The following HIVEP2 variants were observed in gnomAD, a reference collection of about 807,000 sequenced individuals.
HIVEP2 encodes transcription factor HIVEP2.
Under a neutral mutation model 180.7 loss-of-function variants are expected in HIVEP2, and 14 were observed. The observed-to-expected ratio is 0.08, with a 90% CI of 0.05 to 0.12. The LOEUF is 0.12. Among genes scored for constraint, HIVEP2 ranks in the 10% least tolerant of loss-of-function variants. The pLI, the probability that HIVEP2 is intolerant of heterozygous loss-of-function variation, is 1.00. For synonymous variants in HIVEP2, 1,184 were observed against 1,136.4 expected (o/e 1.04, Z -0.84); for missense variants, 2,579 against 3,008.5 (o/e 0.86, Z 3.34).
intron 1 of HIVEP2, among the ~76,000 whole-genome samples, chr6:142,920,671 A>T (rs189575918): frequency 1.6e-4 from 25 of 152,344 alleles, no homozygotes; most frequent in Admixed American, 3.3e-4. Context: ...ACTCAGATTG[A>T]CTAGTCTGGA....
chr6:142,779,903 A>G (rs1775804076), intron 3 of HIVEP2, among the ~76,000 whole-genome samples: 1 of 152,224 alleles, frequency 6.6e-6, no homozygotes, highest in Non-Finnish European at 1.5e-5. Context: ...GAAGTTGAAA[A>G]AAAGTGACTT....
At chr6:142,882,146 AC>A (rs766075565) in intron 1 of HIVEP2, among the ~76,000 whole-genome samples, 1 of 152,230 alleles carries the variant, frequency 6.6e-6, no homozygotes, top group Non-Finnish European at 1.5e-5. Flanking sequence ...CACTGTCAAT[AC>A]AATGTGTAAT....
In HIVEP2 at chr6:142,752,944, C is replaced by T; in HGVS notation, c.*163G>A. 1.7e-6 allele frequency: 1 copy of T among 595,824 alleles called. No individual in the cohort carries two copies. The highest frequency in any genetic ancestry group is 2.1e-5 in the South Asian group (1 of 46,884). 36.9% of individuals were successfully genotyped at this position (595,824 alleles called of 1,614,324 possible). On this transcript the variant is annotated 3_prime_UTR_variant, in exon 10 of 10. Coordinates refer to ENST00000367603, the MANE Select transcript of HIVEP2 (RefSeq NM_006734.4). ...TTTGTTTTGGTCAGGCTCATGATGA[C>T]TTGTTAATTTACCTAATTCTTTTGA...
At chr6:142,797,640 G>A (rs914289937) in intron 2 of HIVEP2, among the ~76,000 whole-genome samples, 1 of 152,096 alleles carries the variant, frequency 6.6e-6, no homozygotes, top group African/African-American at 2.4e-5. Flanking sequence ...TGGGAAAATA[G>A]GTGAGAACAG....
chr6:142,837,806 T>C (rs765775758), intron 1 of HIVEP2, among the ~76,000 whole-genome samples: 2 of 152,040 alleles, frequency 1.3e-5, no homozygotes, highest in Admixed American at 1.3e-4. Flanking sequence ...AAATGAATGC[T>C]AGAGGGTTGA....
rs141098484 is a variant in HIVEP2 at position 142,760,846 on chromosome 6, T to G, written c.5621-179A>C. 1.3e-3 allele frequency among the ~76,000 whole-genome samples: 196 copies of G among 152,314 alleles called. 2 individuals are homozygous for G. Among genetic ancestry groups the G allele is most frequent in the East Asian group, 9.6e-3 (50 of 5,190 alleles). On this transcript the variant is annotated intron_variant, in intron 8 of 9. Coordinates refer to ENST00000367603, the MANE Select transcript of HIVEP2 (RefSeq NM_006734.4). ...GTGTGACCCTGCGTTCATTCTATCT[T>G]CTTGTATATCTATTTGTTTTCATCC...
chr6:142,941,436 G>A (rs944750695), intron 1 of HIVEP2, among the ~76,000 whole-genome samples: 2 of 152,056 alleles, frequency 1.3e-5, no homozygotes, highest in Non-Finnish European at 2.9e-5. Flanking sequence ...CCAAATACCA[G>A]GAACAAAGAG....
At chr6:142,756,799 AT>A in intron 9 of HIVEP2, among the ~76,000 whole-genome samples, 1 of 88,406 alleles carries the variant, frequency 1.1e-5, no homozygotes, top group East Asian at 3.9e-4. Context: ...AAGATACCTT[AT>A]CTATCTATCT....
chr6:142,889,296 C>A (rs1207799983), intron 1 of HIVEP2, among the ~76,000 whole-genome samples: 4 of 152,030 alleles, frequency 2.6e-5, no homozygotes, highest in African/African-American at 9.7e-5. Flanking sequence ...CAAAGCAAGA[C>A]CCTGTCTCTA....
intron 2 of HIVEP2, among the ~76,000 whole-genome samples, chr6:142,785,599 C>T (rs1179037231): frequency 2.6e-5 from 4 of 152,224 alleles, no homozygotes; most frequent in Non-Finnish European, 5.9e-5. Context: ...GCAGTCTCCA[C>T]AGGCAAAACA....
At chr6:142,864,103 G>A (rs959444237) in intron 1 of HIVEP2, among the ~76,000 whole-genome samples, 4 of 152,082 alleles carry the variant, frequency 2.6e-5, no homozygotes, top group African/African-American at 9.7e-5. Flanking sequence ...AGGGCTGTAG[G>A]GGGTGTCCTT....
intron 1 of HIVEP2, among the ~76,000 whole-genome samples, chr6:142,906,289 C>A (rs1273176026): frequency 6.6e-6 from 1 of 151,610 alleles, no homozygotes. Context: ...AATAACAAAA[C>A]GAGAATTAAA....
rs141976937 is a variant in HIVEP2 at position 142,928,337 on chromosome 6, CAAG to C, written c.-641+16759_-641+16761del. On this transcript the variant is annotated intron_variant, in intron 1 of 9. Transcript: ENST00000367603. ...CATTGCATTGTAACCTATGAATTGACAAGAAATTAATCTTAAGAATTGGCACAG... is the reference window on the plus strand; with the variant it reads ...CATTGCATTGTAACCTATGAATTGACAAATTAATCTTAAGAATTGGCACAG... Among the ~76,000 whole-genome samples, 1,739 of 152,264 alleles carry C rather than the reference CAAG, an allele frequency of 0.011. 78 individuals are homozygous for C. The East Asian group carries it at 0.17, about 14-fold the overall frequency.
chr6:142,775,100 T>G lies in HIVEP2; in HGVS notation c.-362A>C. ...CCCATCAACTAGAGCAAAGTTCAATTGCCAGTTTCACTAAGATAAAATGAT... is the reference window on the plus strand; with the variant it reads ...CCCATCAACTAGAGCAAAGTTCAATGGCCAGTTTCACTAAGATAAAATGAT... On this transcript the variant is annotated 5_prime_UTR_variant, in exon 5 of 10. Coordinates refer to ENST00000367603, the MANE Select transcript of HIVEP2 (RefSeq NM_006734.4). 1 of 1,012,680 alleles carries G rather than the reference T, an allele frequency of 9.9e-7. No homozygotes were observed. Among genetic ancestry groups the G allele is most frequent in the Non-Finnish European group, 1.2e-6 (1 of 847,922 alleles). The allele number at this position is 1,012,680 out of a possible 1,614,324, so 62.7% of individuals were successfully genotyped here. A position where few individuals can be genotyped will look rare whatever the true frequency, so the allele number is the denominator to read the frequency against.
At chr6:142,888,036 T>C (rs1776752023) in intron 1 of HIVEP2, among the ~76,000 whole-genome samples, 1 of 152,130 alleles carries the variant, frequency 6.6e-6, no homozygotes, top group Non-Finnish European at 1.5e-5. Context: ...ATGTCACTAG[T>C]AAAATACCAT....
intron 2 of HIVEP2, among the ~76,000 whole-genome samples, chr6:142,790,021 A>G (rs1013955695): frequency 1.3e-5 from 2 of 152,220 alleles, no homozygotes; most frequent in Non-Finnish European, 2.9e-5. Flanking sequence ...ATAATTACTT[A>G]ATTTACAACC....
In HIVEP2 at chr6:142,772,745, C is replaced by T; in HGVS notation, c.1994G>A (p.Ser665Asn). The change falls in exon 5 of 10, where the codon AGT becomes AAT. Residue 665 changes from serine to asparagine, a missense_variant. Coordinates refer to ENST00000367603, the MANE Select transcript of HIVEP2 (RefSeq NM_006734.4). The surrounding 1 kb of genome is among the most constrained non-coding windows in gnomAD (Gnocchi z 4.9). ...ATATTCTCCACCATGCTTTAAAGAACTCAAGCAGGAAATGTCCCTGTAGTT... is the reference window on the plus strand; with the variant it reads ...ATATTCTCCACCATGCTTTAAAGAATTCAAGCAGGAAATGTCCCTGTAGTT... ...KQNYRDISCL[S>N]SLKHGGEYFM... The T allele has an allele frequency of 6.2e-7, 1 of 1,614,232 alleles. No homozygotes were observed. Among genetic ancestry groups the T allele is most frequent in the Non-Finnish European group, 8.5e-7 (1 of 1,180,046 alleles).
chr6:142,887,489 A>T (rs1176077020), intron 1 of HIVEP2, among the ~76,000 whole-genome samples: 1 of 152,178 alleles, frequency 6.6e-6, no homozygotes, highest in Admixed American at 6.5e-5. Flanking sequence ...TGAACTGAGG[A>T]TCCTCAGATA....
chr6:142,817,010 C>T lies in HIVEP2; in HGVS notation c.-528+19925G>A, dbSNP rs928022031. ...CAGGACACACTTTTGTTCAACTCGA[C>T]TTGAACTGTATTAGCAAGGGCATGA... is the stretch of plus-strand genomic sequence containing the variant. On this transcript the variant is annotated intron_variant, in intron 2 of 9. Transcript: ENST00000367603. 5.3e-5 allele frequency among the ~76,000 whole-genome samples: 8 copies of T among 152,114 alleles called. No homozygotes were observed. The East Asian group carries it at 1.5e-3, about 29-fold the overall frequency.
Sources: gnomAD v4.1 joint callset for allele counts (sites outside exome capture counted in the v4.1 genomes callset) on GRCh38, gnomAD v4.1.1 for gene constraint, Gnocchi (gnomAD v3.1) non-coding constraint, MANE v1.5 for transcripts, NCBI Gene and HGNC (gene_info 2026-07-23, HGNC 2026-07-21) for gene names.